SLC24A2: variants seen among roughly 807,000 people sequenced by gnomAD.
The protein encoded by SLC24A2 is sodium/potassium/calcium exchanger 2.
A neutral mutation model predicts 62.0 loss-of-function variants in SLC24A2; 36 were observed. The ratio of observed to expected loss-of-function variants is 0.58; its 90% CI spans 0.44 to 0.77. SLC24A2 has a LOEUF of 0.77. SLC24A2 is among the 30% of genes least tolerant of loss of function. The probability of loss-of-function intolerance (pLI) is 0.00; values close to 1 mark genes in which losing one functional copy is unlikely to be tolerated. For synonymous variants in SLC24A2, 358 were observed against 294.0 expected (o/e 1.22, Z -2.23); for missense variants, 846 against 817.9 (o/e 1.03, Z -0.42).
intron 2 of SLC24A2, among the ~76,000 whole-genome samples, chr9:19,727,505 G>A (rs994202446): frequency 6.6e-6 from 1 of 152,068 alleles, no homozygotes; most frequent in African/African-American, 2.4e-5. Flanking sequence ...TACAAGAAGG[G>A]AAGCTCCAAG....
At chr9:19,656,823 C>T (rs1440174993) in intron 2 of SLC24A2, among the ~76,000 whole-genome samples, 1 of 152,198 alleles carries the variant, frequency 6.6e-6, no homozygotes, top group African/African-American at 2.4e-5. Context: ...TGCTTCCCAT[C>T]CCCAGCTTCT....
At chr9:20,152,581 CTGTT>C in the SLC24A2 span, among the ~76,000 whole-genome samples, 2 of 151,882 alleles carry the variant, frequency 1.3e-5, no homozygotes, top group Non-Finnish European at 2.9e-5. Context: ...CTCAAGGTGA[CTGTT>C]TGAATTCTAG....
the SLC24A2 span, among the ~76,000 whole-genome samples, chr9:20,146,863 GTTC>G: frequency 6.6e-6 from 1 of 152,018 alleles, no homozygotes; most frequent in Admixed American, 6.6e-5. Flanking sequence ...ATTTCTCAAT[GTTC>G]TTCTCTTCAC....
chr9:19,732,885 C>A (rs1041824659), intron 2 of SLC24A2, among the ~76,000 whole-genome samples: 2 of 152,080 alleles, frequency 1.3e-5, no homozygotes, highest in African/African-American at 4.8e-5. Flanking sequence ...AAAAAAAAAT[C>A]CAGATTTTTC....
intron 2 of SLC24A2, among the ~76,000 whole-genome samples, chr9:19,654,050 A>G (rs1419747362): frequency 1.3e-5 from 2 of 152,132 alleles, no homozygotes; most frequent in Admixed American, 6.5e-5. Context: ...CATTTCCATC[A>G]CTTCAAAGAA....
intron 2 of SLC24A2, among the ~76,000 whole-genome samples, chr9:19,627,197 A>G (rs1818055750): frequency 6.6e-6 from 1 of 152,196 alleles, no homozygotes; most frequent in African/African-American, 2.4e-5. Context: ...TTAAAGAAAT[A>G]CACTGGGATG....
At chr9:19,579,288 G>A (rs1836132190) in intron 5 of SLC24A2, among the ~76,000 whole-genome samples, 1 of 152,192 alleles carries the variant, frequency 6.6e-6, no homozygotes, top group Non-Finnish European at 1.5e-5. Context: ...ATTGCCTGAA[G>A]GTTTTCCAGG....
chr9:20,028,364 G>A, the SLC24A2 span, among the ~76,000 whole-genome samples: 1 of 152,102 alleles, frequency 6.6e-6, no homozygotes, highest in African/African-American at 2.4e-5. Flanking sequence ...GCATAAGAGG[G>A]GTTCAATACT....
At chr9:20,084,752 T>C in the SLC24A2 span, among the ~76,000 whole-genome samples, 1 of 152,176 alleles carries the variant, frequency 6.6e-6, no homozygotes, top group African/African-American at 2.4e-5. Flanking sequence ...CTTCAGCTTC[T>C]GACATATTCC....
chr9:19,697,440 A>C (rs557993228), intron 2 of SLC24A2, among the ~76,000 whole-genome samples: 14 of 152,346 alleles, frequency 9.2e-5, no homozygotes, highest in Non-Finnish European at 1.6e-4. Context: ...AATTTAAAAT[A>C]AAAGTTGAAG....
chr9:20,012,798 T>C, the SLC24A2 span, among the ~76,000 whole-genome samples: 2 of 152,200 alleles, frequency 1.3e-5, no homozygotes, highest in East Asian at 3.9e-4. Context: ...TTATTTCCAT[T>C]TACAATAGCA....
chr9:19,563,231 C>T (rs903733887), intron 7 of SLC24A2, among the ~76,000 whole-genome samples: 1 of 152,198 alleles, frequency 6.6e-6, no homozygotes, highest in African/African-American at 2.4e-5. Flanking sequence ...CATAAATACA[C>T]ACACACCGCT....
At chr9:19,849,652 C>T in the SLC24A2 span, among the ~76,000 whole-genome samples, 3 of 152,214 alleles carry the variant, frequency 2.0e-5, no homozygotes, top group South Asian at 4.1e-4. Context: ...TACTCACCAA[C>T]GTGTAGGCTA....
chr9:19,768,271 C>G (rs1240048000), intron 2 of SLC24A2, among the ~76,000 whole-genome samples: 1 of 152,124 alleles, frequency 6.6e-6, no homozygotes, highest in Non-Finnish European at 1.5e-5. Context: ...CTTACAAATA[C>G]CTCTAATTCA....
At chr9:19,535,440 A>G (rs201343876) in intron 8 of SLC24A2, among the ~76,000 whole-genome samples, 4 of 152,162 alleles carry the variant, frequency 2.6e-5, no homozygotes, top group Non-Finnish European at 4.4e-5. Flanking sequence ...GCCTATGTCC[A>G]GAATGGTATT....
the SLC24A2 span, among the ~76,000 whole-genome samples, chr9:20,151,017 T>C: frequency 2.0e-5 from 3 of 151,920 alleles, no homozygotes; most frequent in Admixed American, 2.0e-4. Flanking sequence ...TTTAGACTTA[T>C]CTCCTCAGAG....
Position 19,528,107 on chromosome 9 carries a change from A to G in SLC24A2, c.1511T>C (p.Phe504Ser). 6.3e-7 allele frequency: 1 copy of G among 1,597,336 alleles called. No homozygotes were observed. The highest frequency in any genetic ancestry group is 8.5e-7 in the Non-Finnish European group (1 of 1,171,200). ...SSRKFFPITF[F>S]GSITWIAVFS... is the part of the protein sequence containing the mutation. ...TACTGCAATCCAGGTAATGGAGCCA[A>G]AGAACGTGATGGGAAAAAACTTCCT... Residue 504 changes from phenylalanine to serine, a missense_variant, in exon 9 of 11, where the codon TTT (phenylalanine) becomes TCT (serine). Transcript: ENST00000341998.
chr9:20,036,816 C>G, the SLC24A2 span, among the ~76,000 whole-genome samples: 519 of 151,834 alleles, frequency 3.4e-3, 2 homozygotes, highest in African/African-American at 0.012. Context: ...TGCATATAAC[C>G]TATGCACACA....
chr9:20,092,621 T>TGA, the SLC24A2 span, among the ~76,000 whole-genome samples: 10 of 152,214 alleles, frequency 6.6e-5, no homozygotes, highest in African/African-American at 2.4e-4. Context: ...AAATTGTTCA[T>TGA]ATTCAAGGTG....
Sources: gnomAD v4.1 joint callset for allele counts (sites outside exome capture counted in the v4.1 genomes callset) on GRCh38, gnomAD v4.1.1 for gene constraint, MANE v1.5 for transcripts, NCBI Gene and HGNC (gene_info 2026-07-23, HGNC 2026-07-21) for gene names.